Variants in SGCD observed in about 807,000 individuals in gnomAD.
SGCD encodes delta-sarcoglycan.
Under a neutral mutation model 36.6 loss-of-function variants are expected in SGCD, and 18 were observed. The ratio of observed to expected loss-of-function variants is 0.49; its 90% CI spans 0.34 to 0.73. The LOEUF is 0.73. Among genes scored for constraint, SGCD ranks in the 30% least tolerant of loss-of-function variants. SGCD has a pLI of 0.01. For synonymous variants in SGCD, 133 were observed against 130.6 expected (o/e 1.02, Z -0.12); for missense variants, 387 against 346.7 (o/e 1.12, Z -0.92).
chr5:156,160,524 G>T (rs1262126923), intron 3 of SGCD, among the ~76,000 whole-genome samples: 1 of 151,572 alleles, frequency 6.6e-6, no homozygotes, highest in African/African-American at 2.4e-5. Context: ...ATTATTGCTG[G>T]ATTCAGTTCA....
At chr5:155,933,307 T>C (rs1757133354) in intron 1 of SGCD, among the ~76,000 whole-genome samples, 1 of 152,204 alleles carries the variant, frequency 6.6e-6, no homozygotes, top group South Asian at 2.1e-4. Flanking sequence ...ATTAATATCA[T>C]ATATATCCCA....
intron 7 of SGCD, among the ~76,000 whole-genome samples, chr5:156,686,371 C>G (rs188301655): frequency 6.6e-4 from 100 of 152,316 alleles, no homozygotes; most frequent in Non-Finnish European, 1.1e-3. Flanking sequence ...CAGAAAATGT[C>G]AGGACTATGG....
the SGCD span, among the ~76,000 whole-genome samples, chr5:155,819,341 T>C: frequency 1.6e-4 from 24 of 152,192 alleles, no homozygotes; most frequent in Non-Finnish European, 2.8e-4. Flanking sequence ...AAAGGTAATA[T>C]GGCAAATCAG....
the SGCD span, among the ~76,000 whole-genome samples, chr5:155,818,360 G>C: frequency 6.6e-6 from 1 of 152,084 alleles, no homozygotes; most frequent in Non-Finnish European, 1.5e-5. Context: ...CAGAGCAACA[G>C]GTGTGCAGGG....
intron 6 of SGCD, among the ~76,000 whole-genome samples, chr5:156,612,688 C>A (rs1193851318): frequency 6.6e-6 from 1 of 152,202 alleles, no homozygotes; most frequent in Non-Finnish European, 1.5e-5. Flanking sequence ...GCTGTAACTA[C>A]CCATGTGAGT....
chr5:155,854,375 T>G, the SGCD span, among the ~76,000 whole-genome samples: 1 of 152,220 alleles, frequency 6.6e-6, no homozygotes, highest in East Asian at 1.9e-4. Flanking sequence ...TTTTATTATT[T>G]TGCCCCATTT....
intron 3 of SGCD, among the ~76,000 whole-genome samples, chr5:156,191,100 G>A (rs768258158): frequency 6.6e-6 from 1 of 152,096 alleles, no homozygotes; most frequent in Non-Finnish European, 1.5e-5. Context: ...TGTAATAGAT[G>A]GGAACGAAGT....
chr5:156,510,148 T>C lies in SGCD; in HGVS notation c.294+1446T>C, dbSNP rs539642197. Among the ~76,000 whole-genome samples, 3 of 152,324 alleles carry C rather than the reference T, an allele frequency of 2.0e-5. No individual in the cohort carries two copies. The South Asian group carries it at 6.2e-4, about 32-fold the overall frequency. On this transcript the variant is annotated intron_variant, in intron 4 of 8. Transcript: ENST00000337851. Reference sequence around the variant, plus strand: ...CTTAGTAAAAGAGAGGGAACAAGGATGTTAAAACTATCAAAAATAGCAAAT... The same window carrying C: ...CTTAGTAAAAGAGAGGGAACAAGGACGTTAAAACTATCAAAAATAGCAAAT...
intron 6 of SGCD, among the ~76,000 whole-genome samples, chr5:156,598,623 A>G (rs992289758): frequency 1.3e-5 from 2 of 152,210 alleles, no homozygotes; most frequent in African/African-American, 4.8e-5. Context: ...GTGTTATCTC[A>G]CACCCAGATC....
intron 4 of SGCD, among the ~76,000 whole-genome samples, chr5:156,518,059 G>A (rs573904351): frequency 1.3e-5 from 2 of 152,272 alleles, no homozygotes; most frequent in South Asian, 2.1e-4. Context: ...GCTGGATAGA[G>A]TCAAGACCCA....
At chr5:156,214,004 A>G (rs1764514054) in intron 3 of SGCD, among the ~76,000 whole-genome samples, 1 of 152,040 alleles carries the variant, frequency 6.6e-6, no homozygotes, top group Non-Finnish European at 1.5e-5. Flanking sequence ...CATCATTCTC[A>G]GTAATAAATA....
At chr5:155,902,492 CT>C (rs199934174) in intron 1 of SGCD, among the ~76,000 whole-genome samples, 2 of 152,064 alleles carry the variant, frequency 1.3e-5, no homozygotes, top group Middle Eastern at 3.4e-3. Flanking sequence ...AGGTTCGTTA[CT>C]TTTTTTTATC....
rs1195162156 is a variant in SGCD, at chr5:156,375,214, G to A, written c.192+30537G>A. On this transcript the variant is annotated intron_variant, in intron 3 of 8. Transcript: ENST00000337851. ...TCCCCATATGTGCTTTTTAAAAAAC[G>A]ATCTGAAGGTAATTTGCTTTTAAAT... Among the ~76,000 whole-genome samples, 3 of 151,790 alleles carry A rather than the reference G, an allele frequency of 2.0e-5. No homozygotes were observed. In the East Asian group the frequency reaches 5.8e-4, roughly 29 times the overall value.
intron 3 of SGCD, among the ~76,000 whole-genome samples, chr5:156,422,017 A>C (rs1306816510): frequency 6.6e-6 from 1 of 152,084 alleles, no homozygotes; most frequent in Non-Finnish European, 1.5e-5. Context: ...GTGTTTTATC[A>C]GCACTTTACT....
At chr5:156,544,326 A>ATAAGGTTACCTC (rs1314711626) in intron 4 of SGCD, among the ~76,000 whole-genome samples, 1 of 152,180 alleles carries the variant, frequency 6.6e-6, no homozygotes, top group Non-Finnish European at 1.5e-5. Flanking sequence ...CTACCTGGTA[A>ATAAGGTTACCTC]TAAGGTTACC....
chr5:156,283,477 A>G (rs1174773880), intron 3 of SGCD, among the ~76,000 whole-genome samples: 1 of 152,142 alleles, frequency 6.6e-6, no homozygotes, highest in Non-Finnish European at 1.5e-5. Context: ...AAAATTTACC[A>G]TGGGGCAGAA....
intron 6 of SGCD, among the ~76,000 whole-genome samples, chr5:156,631,530 A>C (rs1470502079): frequency 6.6e-6 from 1 of 150,868 alleles, no homozygotes; most frequent in Non-Finnish European, 1.5e-5. Context: ...GCACTGACTA[A>C]TTCAGTCTTC....
chr5:156,721,883 C>G (rs1755526864), intron 7 of SGCD, among the ~76,000 whole-genome samples: 1 of 152,120 alleles, frequency 6.6e-6, no homozygotes, highest in Non-Finnish European at 1.5e-5. Context: ...GAAGCAAGGT[C>G]ATTAGAAAAG....
At chr5:156,463,763 G>A (rs111624678) in intron 3 of SGCD, among the ~76,000 whole-genome samples, 4 of 152,278 alleles carry the variant, frequency 2.6e-5, no homozygotes, top group African/African-American at 9.6e-5. Flanking sequence ...GGGAGGCCCA[G>A]ACGGGAGGAT....
Sources: allele counts gnomAD v4.1 joint callset (sites outside exome capture counted in the v4.1 genomes callset), GRCh38; gene constraint gnomAD v4.1.1; transcripts MANE v1.5; gene names NCBI Gene and HGNC (gene_info 2026-07-23, HGNC 2026-07-21).